Variants in NFIA observed in about 807,000 individuals in gnomAD.
NFIA encodes the protein nuclear factor 1 A-type.
In NFIA, 8 loss-of-function variants were observed where a neutral mutation model predicts 62.8. The ratio of observed to expected loss-of-function variants is 0.13; its 90% CI spans 0.07 to 0.23. The LOEUF (loss-of-function observed/expected upper bound fraction) is 0.23, where lower values mean the gene tolerates loss of function less well. NFIA is among the 10% of genes least tolerant of loss of function. The pLI is 1.00. For synonymous variants in NFIA, 235 were observed against 238.1 expected, an observed-to-expected ratio of 0.99 and a Z score of 0.12; for missense variants, 410 against 642.1, an observed-to-expected ratio of 0.64 and a Z score of 3.91.
Position 61,336,516 on chromosome 1 carries a change from C to T in NFIA, c.700+3930C>T, listed in dbSNP as rs1276727834. On this transcript the variant is annotated intron_variant, in intron 4 of 10. Coordinates refer to ENST00000403491, the MANE Select transcript of NFIA (RefSeq NM_001134673.4). ...GTTAAAATTCATGAGCCAGTATTGA[C>T]GCATAATTAATAATTAAAGTCCACA... Among the ~76,000 whole-genome samples the T allele has an allele frequency of 2.6e-5, 4 of 152,204 alleles. No homozygotes were observed. The East Asian group carries it at 5.8e-4, about 22-fold the overall frequency.
chr1:61,112,066 A>C (rs1432649939), intron 2 of NFIA, among the ~76,000 whole-genome samples: 7 of 152,064 alleles, frequency 4.6e-5, no homozygotes, highest in African/African-American at 9.7e-5. Flanking sequence ...AAATTGTTGA[A>C]GTCAAAACAA....
chr1:61,207,707 G>A (rs892421846), intron 2 of NFIA, among the ~76,000 whole-genome samples: 12 of 152,174 alleles, frequency 7.9e-5, no homozygotes, highest in Admixed American at 3.3e-4. Flanking sequence ...ACAGCAAAGC[G>A]ATTCATGAGT....
At chr1:61,136,762 G>A (rs1486241275) in intron 2 of NFIA, among the ~76,000 whole-genome samples, 1 of 152,148 alleles carries the variant, frequency 6.6e-6, no homozygotes, top group Non-Finnish European at 1.5e-5. Context: ...GCAGACCTGG[G>A]TTCAAATTCT....
intron 2 of NFIA, among the ~76,000 whole-genome samples, chr1:61,197,736 C>T (rs1371196456): frequency 6.6e-6 from 1 of 151,772 alleles, no homozygotes; most frequent in Non-Finnish European, 1.5e-5. Context: ...AATCCCAGCA[C>T]TTTGGGAGGC....
intron 3 of NFIA, among the ~76,000 whole-genome samples, chr1:61,327,546 A>C (rs891596747): frequency 1.3e-5 from 2 of 152,168 alleles, no homozygotes; most frequent in Non-Finnish European, 2.9e-5. Flanking sequence ...CTTCACTTAG[A>C]ATAATGGCCT....
chr1:61,403,153 G>A (rs968220418), intron 7 of NFIA, among the ~76,000 whole-genome samples: 6 of 152,156 alleles, frequency 3.9e-5, no homozygotes, highest in African/African-American at 1.4e-4. Flanking sequence ...CTCTAATTTG[G>A]GAGAGGTTTC....
intron 2 of NFIA, chr1:61,251,091 A>T (rs1378961000): frequency 6.6e-6 from 1 of 152,180 alleles, no homozygotes; most frequent in African/African-American, 2.4e-5. Flanking sequence ...TTCACACATC[A>T]TCACTCTCTG....
rs1665846228 is a variant in NFIA, at chr1:61,406,606, C to G, written c.1299C>G (p.Pro433=). 6.2e-7 allele frequency: 1 copy of G among 1,604,338 alleles called. No individual in the cohort carries two copies. Among genetic ancestry groups the G allele is most frequent in the African/African-American group, 1.4e-5 (1 of 73,650 alleles). The change falls in exon 9 of 11, where the codon CCC becomes CCG. Residue 433 remains proline, a synonymous_variant. Transcript: ENST00000403491. ...SQGKVHNPFL[P]TPMLPPPPPP... is the part of the protein sequence containing the mutation. ...GCAAGGTGCACAACCCATTCCTTCC[C>G]ACCCCAATGTTGCCACCGCCACCGC... is the stretch of plus-strand genomic sequence containing the variant.
At chr1:61,083,013 AAAGT>A (rs1345467714) in intron 1 of NFIA, among the ~76,000 whole-genome samples, 195 bp downstream of exon 1, 54 of 151,542 alleles carry the variant, frequency 3.6e-4, no homozygotes, top group African/African-American at 1.3e-3. Flanking sequence ...CCGCTTAAAG[AAAGT>A]AACTTTGTTT....
chr1:61,220,046 C>T (rs898563808), intron 2 of NFIA, among the ~76,000 whole-genome samples: 3 of 152,204 alleles, frequency 2.0e-5, no homozygotes, highest in African/African-American at 7.2e-5. Flanking sequence ...TGTCAGGTCC[C>T]ATCGGCATTT....
At chr1:61,103,708 CAT>C (rs1276526239) in intron 2 of NFIA, among the ~76,000 whole-genome samples, 1 of 152,232 alleles carries the variant, frequency 6.6e-6, no homozygotes, top group Non-Finnish European at 1.5e-5. Context: ...AACTAGGTAA[CAT>C]ATAAAATAGT....
chr1:61,077,339 CGCTTTCAAAAGA>C, upstream of NFIA: 1 of 341,704 alleles, frequency 2.9e-6, no homozygotes, highest in Non-Finnish European at 5.2e-6. Flanking sequence ...CGGGTTGGAT[CGCTTTCAAAAGA>C]GAGAGTGAGA....
intron 2 of NFIA, among the ~76,000 whole-genome samples, chr1:61,176,918 C>T (rs1343441710): frequency 1.3e-5 from 2 of 151,960 alleles, no homozygotes; most frequent in Non-Finnish European, 1.5e-5. Context: ...TCCTGGCTAA[C>T]ACAGTGAAAC....
At chr1:61,258,638 A>G (rs758453364) in intron 2 of NFIA, among the ~76,000 whole-genome samples, 6 of 152,210 alleles carry the variant, frequency 3.9e-5, no homozygotes, top group East Asian at 1.9e-4. Context: ...TACTATAGAA[A>G]TATTCTATAG....
chr1:61,437,585 A>G (rs1413318836), intron 10 of NFIA, among the ~76,000 whole-genome samples: 1 of 152,208 alleles, frequency 6.6e-6, no homozygotes, highest in East Asian at 1.9e-4. Flanking sequence ...TACATTATTC[A>G]ATCCCTGCCG....
At chr1:61,423,291 C>T (rs969409873) in intron 9 of NFIA, among the ~76,000 whole-genome samples, 3 of 149,524 alleles carry the variant, frequency 2.0e-5, no homozygotes, top group Non-Finnish European at 4.4e-5. Context: ...GCCAAATAAT[C>T]AATGATTTGA....
intron 6 of NFIA, 123 bp downstream of exon 6, chr1:61,359,397 G>A: frequency 7.3e-7 from 1 of 1,373,584 alleles, no homozygotes; most frequent in Non-Finnish European, 1.0e-6. Context: ...TTCAGGATGA[G>A]CACTTGTTTG....
At chr1:61,105,818 T>C (rs925030954) in intron 2 of NFIA, among the ~76,000 whole-genome samples, 1 of 151,876 alleles carries the variant, frequency 6.6e-6, no homozygotes, top group Non-Finnish European at 1.5e-5. Flanking sequence ...TTTTGAAACA[T>C]ACTTTTTAAA....
Position 61,283,363 on chromosome 1 carries a change from G to A in NFIA, c.625+5778G>A, listed in dbSNP as rs140025005. On this transcript the variant is annotated intron_variant, in intron 3 of 10. Transcript: ENST00000403491. ...AGGCGGGTGGATCACTTGAGGTCAG[G>A]AGTTCAAGACCAGCCTGGCCAACAT... 6.5e-3 allele frequency among the ~76,000 whole-genome samples: 984 copies of A among 150,896 alleles called. 9 individuals carry two copies. Among genetic ancestry groups the A allele is most frequent in the Non-Finnish European group, 0.011 (718 of 67,790 alleles).
Sources: gnomAD v4.1 joint callset for allele counts (sites outside exome capture counted in the v4.1 genomes callset) on GRCh38, gnomAD v4.1.1 for gene constraint, MANE v1.5 for transcripts, NCBI Gene and HGNC (gene_info 2026-07-23, HGNC 2026-07-21) for gene names.